Variants in C5orf47 observed in about 807,000 individuals in gnomAD.
The protein encoded by C5orf47 is uncharacterized protein C5orf47.
A neutral mutation model predicts 20.6 loss-of-function variants in C5orf47; 20 were observed. That is an observed-to-expected ratio of 0.97 (90% confidence interval 0.68 to 1.41). The LOEUF is 1.41. Ranked by LOEUF, C5orf47 falls within the 40% of genes most tolerant of loss-of-function variation. C5orf47 has a pLI of 0.00. For synonymous variants in C5orf47, 106 were observed against 97.3 expected, an observed-to-expected ratio of 1.09 and a Z score of -0.53; for missense variants, 262 against 238.4, an observed-to-expected ratio of 1.10 and a Z score of -0.65.
chr5:173,995,736 A>G (rs182987376), intron 1 of C5orf47, among the ~76,000 whole-genome samples: 213 of 152,366 alleles, frequency 1.4e-3, no homozygotes, highest in Middle Eastern at 0.01. Flanking sequence ...GACATGTGCT[A>G]TTTATTGAAT....
chr5:173,992,302 C>CT (rs1759013192), intron 1 of C5orf47, among the ~76,000 whole-genome samples: 1 of 150,526 alleles, frequency 6.6e-6, no homozygotes, highest in African/African-American at 2.5e-5. Flanking sequence ...AAGTTTACCA[C>CT]TTTGGGAGGC....
chr5:173,999,517 A>C (rs1429941438), intron 2 of C5orf47, among the ~76,000 whole-genome samples, 183 bp from the exon 3 acceptor site: 1 of 152,160 alleles, frequency 6.6e-6, no homozygotes, highest in Non-Finnish European at 1.5e-5. Context: ...AAAAGAGAAC[A>C]GATATTTCAG....
At chr5:174,006,960 A>C (rs1759301705), downstream of C5orf47, among the ~76,000 whole-genome samples, 1 of 152,146 alleles carries the variant, frequency 6.6e-6, no homozygotes, top group African/African-American at 2.4e-5. Context: ...TAAGGATTTT[A>C]AGGCAGGTGT....
intron 1 of C5orf47, among the ~76,000 whole-genome samples, chr5:173,991,576 CTT>C (rs974879766): frequency 2.6e-4 from 39 of 150,928 alleles, no homozygotes; most frequent in Non-Finnish European, 3.7e-4. Flanking sequence ...TGGAGATACT[CTT>C]TTTCTTTAGA....
intron 2 of C5orf47, 29 bp from the exon 3 acceptor site, chr5:173,999,671 C>A: frequency 9.1e-7 from 1 of 1,101,448 alleles, no homozygotes; most frequent in Non-Finnish European, 1.3e-6. Flanking sequence ...TTCTGCTCAG[C>A]ATTCCTTTAC....
At chr5:173,989,659 G>A (rs1758948517) in intron 1 of C5orf47, 71 bp downstream of exon 1, 4 of 1,255,710 alleles carry the variant, frequency 3.2e-6, no homozygotes, top group Non-Finnish European at 1.0e-6. Flanking sequence ...CAGCTGCTGG[G>A]CGCCATCTTG....
chr5:174,008,449 G>A (rs974029628), downstream of C5orf47, among the ~76,000 whole-genome samples: 5 of 152,202 alleles, frequency 3.3e-5, no homozygotes, highest in Non-Finnish European at 7.3e-5. Flanking sequence ...GATGTAGTAT[G>A]TTGCTTATGG....
chr5:174,006,849 A>G (rs146760943), downstream of C5orf47, among the ~76,000 whole-genome samples: 46 of 152,340 alleles, frequency 3.0e-4, no homozygotes, highest in African/African-American at 9.4e-4. Flanking sequence ...ACAGGGGCAT[A>G]ATTGACTGAT....
chr5:173,989,263 GATGGCGGCGGCAGGCCGGGGT>G lies in C5orf47; in HGVS notation c.1_21del (p.MetAlaAlaAlaGlyArgGly1_?7). 1 of 1,382,842 alleles carries G rather than the reference GATGGCGGCGGCAGGCCGGGGT, an allele frequency of 7.2e-7. No individual in the cohort carries two copies. Among genetic ancestry groups the G allele is most frequent in the South Asian group, 1.7e-5 (1 of 59,054 alleles). The allele number at this position is 1,382,842 out of a possible 1,614,324, so 85.7% of individuals were successfully genotyped here. On this transcript the variant is annotated start_lost and inframe_deletion, in exon 1 of 5. Coordinates refer to ENST00000340147, the MANE Select transcript of C5orf47 (RefSeq NM_001144954.2). Reference sequence around the variant, plus strand: ...CCCGGCTGCCGTTGACTGAGGCTGCGATGGCGGCGGCAGGCCGGGGTCGGGAGCAGGACTCGGCGCGCTTCG... The same window carrying G: ...CCCGGCTGCCGTTGACTGAGGCTGCGCGGGAGCAGGACTCGGCGCGCTTCG...
intron 1 of C5orf47, 137 bp from the exon 2 acceptor site, chr5:173,998,016 T>C (rs1331669496): frequency 1.7e-6 from 1 of 589,542 alleles, no homozygotes; most frequent in African/African-American, 1.9e-5. Context: ...GGTAAACCAG[T>C]ATTACCTGGT....
Position 173,989,408 on chromosome 5 carries a change from T to G in C5orf47, c.145T>G (p.Cys49Gly), listed in dbSNP as rs1252297187. ...GLWGQGPGAG[C>G]RQEKPREAMA... The stretch of plus-strand genomic sequence containing the variant: ...TTGGGGTCAGGGGCCTGGGGCAGGC[T>G]GTCGCCAGGAGAAGCCGAGGGAAGC... The change falls in exon 1 of 5, where the codon TGT becomes GGT. Residue 49 changes from cysteine (C) to glycine (G), a missense_variant. Cys to Gly is a radical substitution (Grantham distance 159). Coordinates refer to ENST00000340147, the MANE Select transcript of C5orf47 (RefSeq NM_001144954.2). The G allele has an allele frequency of 1.9e-6, 3 of 1,546,212 alleles. No individual in the cohort carries two copies. In the African/African-American group the frequency reaches 4.1e-5, roughly 21 times the overall value.
In C5orf47 at chr5:173,989,414, CAGG is replaced by C. The variant is rs2113352867; in HGVS notation, c.154_156del (p.Glu52del). On this transcript the variant is annotated inframe_deletion, in exon 1 of 5. Transcript: ENST00000340147. ...TCAGGGGCCTGGGGCAGGCTGTCGCCAGGAGAAGCCGAGGGAAGCAATGGCGGT... is the reference window on the plus strand; with the variant it reads ...TCAGGGGCCTGGGGCAGGCTGTCGCCAGAAGCCGAGGGAAGCAATGGCGGT... The C allele has an allele frequency of 6.5e-7, 1 of 1,547,642 alleles. No homozygotes were observed. The highest frequency in any genetic ancestry group is 8.7e-7 in the Non-Finnish European group (1 of 1,145,138).
downstream of C5orf47, among the ~76,000 whole-genome samples, chr5:174,007,952 T>C (rs1262933033): frequency 1.3e-5 from 2 of 152,166 alleles, no homozygotes; most frequent in Non-Finnish European, 2.9e-5. Flanking sequence ...TTAATAACTT[T>C]ATGCTGATCA....
At position 173,989,550 on chromosome 5, in the gene C5orf47, C is replaced by G. The variant is rs1460051162; in HGVS notation, c.287C>G (p.Ser96Trp). The change falls in exon 1 of 5, where the codon TCG becomes TGG. Residue 96 changes from serine to tryptophan, a missense_variant. Coordinates refer to ENST00000340147, the MANE Select transcript of C5orf47 (RefSeq NM_001144954.2). ...TCTGCCTCCTCCCAGCTGCGGGCAT[C>G]GAGAGTTCAGAGCGGCACCAGACAG... ...AASASSQLRASRVQSGTRQSA... is the reference protein window; with the variant it reads ...AASASSQLRAWRVQSGTRQSA... The G allele has an allele frequency of 6.6e-7, 1 of 1,513,198 alleles. No homozygotes were observed. The highest frequency in any genetic ancestry group is 8.8e-7 in the Non-Finnish European group (1 of 1,130,754). The allele number at this position is 1,513,198 out of a possible 1,614,324, so 93.7% of individuals were successfully genotyped here. A position where few individuals can be genotyped will look rare whatever the true frequency, so the allele number is the denominator to read the frequency against.
At position 173,989,499 on chromosome 5, in the gene C5orf47, C is replaced by T. The variant is rs1420778087; in HGVS notation, c.236C>T (p.Thr79Met). The T allele has an allele frequency of 6.5e-7, 1 of 1,545,560 alleles. No individual in the cohort carries two copies. ...CTCGGTTCCCAGCTCAGGGTCCCCA[C>T]GACCCCTGGTGTGGAGGCTGCGGCC... is the stretch of plus-strand genomic sequence containing the variant. ...LPLGSQLRVP[T>M]TPGVEAAASA... Residue 79 changes from threonine (T) to methionine (M), a missense_variant, in exon 1 of 5, where the codon ACG becomes ATG. Thr to Met is a moderately conservative substitution (Grantham distance 81). Coordinates refer to ENST00000340147, the MANE Select transcript of C5orf47 (RefSeq NM_001144954.2).
chr5:173,998,991 C>T (rs1202025591), intron 2 of C5orf47, among the ~76,000 whole-genome samples: 4 of 152,152 alleles, frequency 2.6e-5, no homozygotes, highest in Non-Finnish European at 5.9e-5. Flanking sequence ...TTCTGAGAAC[C>T]AGTTCCTTTT....
intron 1 of C5orf47, among the ~76,000 whole-genome samples, chr5:173,996,230 A>G (rs550385338): frequency 2.0e-5 from 3 of 152,334 alleles, no homozygotes; most frequent in Admixed American, 2.0e-4. Flanking sequence ...ATTAGGAAGA[A>G]CGACTGGGTC....
downstream of C5orf47, among the ~76,000 whole-genome samples, chr5:174,008,648 C>T (rs1052658068): frequency 4.6e-5 from 7 of 151,744 alleles, no homozygotes; most frequent in Non-Finnish European, 8.8e-5. Context: ...TTGGCTAACA[C>T]GGTGAAACCC....
At chr5:174,007,941 A>G (rs1759317857), downstream of C5orf47, among the ~76,000 whole-genome samples, 1 of 152,146 alleles carries the variant, frequency 6.6e-6, no homozygotes, top group African/African-American at 2.4e-5. Context: ...TGATCATTAC[A>G]TTAATAACTT....
Sources: allele counts gnomAD v4.1 joint callset (sites outside exome capture counted in the v4.1 genomes callset), GRCh38; gene constraint gnomAD v4.1.1; transcripts MANE v1.5; gene names NCBI Gene and HGNC (gene_info 2026-07-23, HGNC 2026-07-21).